Variants in SOX6 observed in about 807,000 individuals in gnomAD.
SOX6 encodes the protein transcription factor SOX-6.
In SOX6, 11 loss-of-function variants were observed where a neutral mutation model predicts 97.8. That is an observed-to-expected ratio of 0.11 (90% confidence interval 0.07 to 0.19). SOX6 has a LOEUF of 0.19. SOX6 is among the 10% of genes least tolerant of loss of function. The pLI is 1.00. For synonymous variants in SOX6, 360 were observed against 371.4 expected (o/e 0.97, Z 0.35); for missense variants, 810 against 1,039.5 (o/e 0.78, Z 3.04).
At chr11:16,215,253 T>C (rs907596988) in intron 4 of SOX6, among the ~76,000 whole-genome samples, 1 of 152,188 alleles carries the variant, frequency 6.6e-6, no homozygotes, top group Non-Finnish European at 1.5e-5. Flanking sequence ...AATAGAAAGA[T>C]GTCAAGACAA....
At position 15,973,001 on chromosome 11, in the gene SOX6, G is replaced by A. The variant is rs762215781; in HGVS notation, c.2295C>T (p.Thr765=). 2.5e-5 allele frequency: 40 copies of A among 1,614,072 alleles called. 1 individual carries two copies. The South Asian group carries it at 4.0e-4, about 16-fold the overall frequency. Residue 765 remains threonine (T), a synonymous_variant, in exon 16 of 16, where the codon ACC becomes ACT. Transcript: ENST00000683767. ...GGAGGCTGGGCTCCGGGCTGGCCGA[G>A]GTGCTAGAGCAGTCAGATGTCATCT... ...SPQMTSDCSS[T]SASPEPSLPV...
rs180885395 is a variant in SOX6 at position 16,204,182 on chromosome 11, T to C, written c.536-17227A>G. Among the ~76,000 whole-genome samples the C allele has an allele frequency of 5.9e-5, 9 of 152,154 alleles. No homozygotes were observed. The East Asian group carries it at 1.7e-3, about 29-fold the overall frequency. ...CCACCAATTTACATATGATGAAACATACAAAGAGGATACATGATTGACCCA... is the reference window on the plus strand; with the variant it reads ...CCACCAATTTACATATGATGAAACACACAAAGAGGATACATGATTGACCCA... On this transcript the variant is annotated intron_variant, in intron 4 of 15. Transcript: ENST00000683767.
chr11:16,387,611 G>T (rs1858029234), intron 1 of SOX6, among the ~76,000 whole-genome samples: 1 of 151,808 alleles, frequency 6.6e-6, no homozygotes, highest in Admixed American at 6.6e-5. Context: ...TATGACAGAT[G>T]GTACTAGAGT....
intron 10 of SOX6, 132 bp from the exon 11 acceptor site, chr11:16,050,070 A>C (rs1288645219): frequency 2.2e-6 from 2 of 899,484 alleles, no homozygotes; most frequent in African/African-American, 3.3e-5. Flanking sequence ...AAAGAAGCTA[A>C]TTATCTACCT....
intron 3 of SOX6, among the ~76,000 whole-genome samples, chr11:16,246,304 T>A (rs1853333471): frequency 6.6e-6 from 1 of 151,788 alleles, no homozygotes; most frequent in Non-Finnish European, 1.5e-5. Flanking sequence ...CATTAGAAAT[T>A]AAATGTCATA....
At chr11:16,193,988 C>A (rs1042491692) in intron 4 of SOX6, among the ~76,000 whole-genome samples, 3 of 152,268 alleles carry the variant, frequency 2.0e-5, no homozygotes, top group South Asian at 2.1e-4. Context: ...TTAGCATTGG[C>A]CGTTTTGGAT....
At chr11:16,678,583 A>T (rs191237958) in intron 3 of SOX6, among the ~76,000 whole-genome samples, 4 of 152,186 alleles carry the variant, frequency 2.6e-5, no homozygotes, top group Non-Finnish European at 5.9e-5. Context: ...TACCTGGTTC[A>T]TCTCATTGAG....
At chr11:16,314,754 A>G (rs1855711060) in intron 3 of SOX6, 1 of 152,214 alleles carries the variant, frequency 6.6e-6, no homozygotes, top group African/African-American at 2.4e-5. Flanking sequence ...TGTCACCAAT[A>G]GTATCACAAT....
At chr11:16,234,164 T>C (rs1335666036) in intron 4 of SOX6, among the ~76,000 whole-genome samples, 1 of 152,048 alleles carries the variant, frequency 6.6e-6, no homozygotes, top group Non-Finnish European at 1.5e-5. Flanking sequence ...GCACATTCTA[T>C]AAACATTTTT....
At chr11:16,485,722 C>T (rs1391141971) in intron 4 of SOX6, among the ~76,000 whole-genome samples, 12 of 145,504 alleles carry the variant, frequency 8.2e-5, no homozygotes, top group Non-Finnish European at 1.4e-4. Context: ...TAGGGCAAGG[C>T]TCGGTCTCAA....
chr11:15,997,481 T>C (rs550237999), intron 13 of SOX6, among the ~76,000 whole-genome samples: 1 of 152,318 alleles, frequency 6.6e-6, no homozygotes, highest in Admixed American at 6.5e-5. Flanking sequence ...TAATACATCA[T>C]GACCAAGTAG....
At chr11:16,100,754 T>TAA (rs796260198) in intron 7 of SOX6, among the ~76,000 whole-genome samples, 2 of 138,622 alleles carry the variant, frequency 1.4e-5, no homozygotes, top group African/African-American at 5.2e-5. Context: ...GTCTACCTTT[T>TAA]AAAAAAAAAA....
intron 3 of SOX6, among the ~76,000 whole-genome samples, chr11:16,674,648 A>T (rs973419759): frequency 1.3e-5 from 2 of 152,172 alleles, no homozygotes; most frequent in Non-Finnish European, 2.9e-5. Context: ...CAGGCAGATC[A>T]CCTGAGGCCA....
rs541767289 is a variant in SOX6 at position 15,968,307 on chromosome 11, T to G, written c.*4502A>C. On this transcript the variant is annotated 3_prime_UTR_variant, in exon 16 of 16. Coordinates refer to ENST00000683767, the MANE Select transcript of SOX6 (RefSeq NM_001367873.1). ...GCAACCATTTTTGTCATTTTCTCAT[T>G]AAAAAGGAAGACCCAGTAGTAATTT... 6.6e-6 allele frequency: 1 copy of G among 152,358 alleles called. No individual in the cohort carries two copies. Among genetic ancestry groups the G allele is most frequent in the South Asian group, 2.1e-4 (1 of 4,834 alleles). 9.4% of individuals were successfully genotyped at this position (152,358 alleles called of 1,614,324 possible).
chr11:16,712,215 G>C (rs1490228970), intron 3 of SOX6, among the ~76,000 whole-genome samples: 2 of 152,060 alleles, frequency 1.3e-5, no homozygotes, highest in Admixed American at 6.6e-5. Context: ...ACATGCAAGT[G>C]CAAGTATCTT....
At chr11:16,214,400 C>T (rs981691978) in intron 4 of SOX6, among the ~76,000 whole-genome samples, 2 of 152,122 alleles carry the variant, frequency 1.3e-5, no homozygotes, top group African/African-American at 2.4e-5. Context: ...CTACCTAGTC[C>T]TTCTGCATCT....
chr11:16,015,207 G>A, intron 12 of SOX6, 157 bp from the exon 13 acceptor site: 1 of 708,510 alleles, frequency 1.4e-6, no homozygotes, highest in East Asian at 2.7e-5. Context: ...TCCGTTGAAA[G>A]CTGTTTGTGA....
At chr11:16,712,565 T>C (rs1848189890) in intron 3 of SOX6, among the ~76,000 whole-genome samples, 2 of 152,188 alleles carry the variant, frequency 1.3e-5, no homozygotes, top group South Asian at 2.1e-4. Flanking sequence ...GAATTGTCTA[T>C]TCATGTCCTT....
At chr11:16,482,639 T>C (rs994129198) in intron 4 of SOX6, among the ~76,000 whole-genome samples, 1 of 152,156 alleles carries the variant, frequency 6.6e-6, no homozygotes, top group Non-Finnish European at 1.5e-5. Context: ...AAATAACCAT[T>C]GTGTGTTTGT....
Sources: allele counts gnomAD v4.1 joint callset (sites outside exome capture counted in the v4.1 genomes callset), GRCh38; gene constraint gnomAD v4.1.1; transcripts MANE v1.5; gene names NCBI Gene and HGNC (gene_info 2026-07-23, HGNC 2026-07-21).